Variants in CDH11 observed in about 807,000 individuals in gnomAD.
CDH11 encodes the protein cadherin-11.
Under a neutral mutation model 67.8 loss-of-function variants are expected in CDH11, and 11 were observed. That is an observed-to-expected ratio of 0.16 (90% CI 0.10 to 0.27). The LOEUF (loss-of-function observed/expected upper bound fraction) is 0.27. CDH11 is among the 10% of genes least tolerant of loss of function. The pLI, the probability that CDH11 is intolerant of heterozygous loss-of-function variation, is 1.00. For missense variants in CDH11, 847 were observed against 1,031.2 expected (o/e 0.82, Z 2.45); for synonymous variants, 419 against 400.0 (o/e 1.05, Z -0.57).
intron 11 of CDH11, among the ~76,000 whole-genome samples, chr16:64,960,905 G>C (rs2071656194): frequency 6.6e-6 from 1 of 152,112 alleles, no homozygotes; most frequent in African/African-American, 2.4e-5. Context: ...GATGGAGTCA[G>C]ACAGACCTGT....
chr16:64,983,711 T>G (rs936841761), intron 7 of CDH11, among the ~76,000 whole-genome samples: 8 of 152,180 alleles, frequency 5.3e-5, no homozygotes, highest in African/African-American at 1.7e-4. Context: ...TCCATCATCC[T>G]GGGACCCAGC....
intron 2 of CDH11, among the ~76,000 whole-genome samples, chr16:65,005,526 G>C (rs2073034421): frequency 6.6e-6 from 1 of 152,158 alleles, no homozygotes; most frequent in Non-Finnish European, 1.5e-5. Context: ...AGCACAGTGT[G>C]CTCCAAGATG....
intron 8 of CDH11, among the ~76,000 whole-genome samples, chr16:64,975,844 G>A (rs1441404045): frequency 6.6e-6 from 1 of 151,750 alleles, no homozygotes; most frequent in East Asian, 1.9e-4. Flanking sequence ...TGTACCCCCT[G>A]AATCAAAAAT....
chr16:65,019,581 A>T (rs947693161), intron 2 of CDH11, among the ~76,000 whole-genome samples: 4 of 152,126 alleles, frequency 2.6e-5, no homozygotes, highest in Admixed American at 2.6e-4. Context: ...ACATTTATTC[A>T]AGTTTAATTC....
chr16:65,062,930 G>C (rs948503459), intron 1 of CDH11, among the ~76,000 whole-genome samples: 1 of 152,232 alleles, frequency 6.6e-6, no homozygotes, highest in Non-Finnish European at 1.5e-5. Flanking sequence ...GCCAGGGAGA[G>C]AGTCTAGCGG....
intron 1 of CDH11, among the ~76,000 whole-genome samples, chr16:65,069,921 C>A (rs765707567): frequency 4.6e-5 from 7 of 152,108 alleles, no homozygotes; most frequent in Non-Finnish European, 7.4e-5. Flanking sequence ...TAGAACCTTG[C>A]CCCTCATGAG....
At chr16:65,085,687 C>T (rs1157745647) in intron 1 of CDH11, among the ~76,000 whole-genome samples, 1 of 152,164 alleles carries the variant, frequency 6.6e-6, no homozygotes, top group Non-Finnish European at 1.5e-5. Context: ...TACTTTTAGA[C>T]ACTATAATTA....
chr16:65,014,071 T>C (rs2073242036), intron 2 of CDH11, among the ~76,000 whole-genome samples: 1 of 152,174 alleles, frequency 6.6e-6, no homozygotes, highest in African/African-American at 2.4e-5. Context: ...TCAACAAGAA[T>C]GCGTAAATAC....
chr16:65,121,984 C>G lies in CDH11; in HGVS notation c.-402G>C, dbSNP rs1190870885. The G allele has an allele frequency of 1.4e-6, 1 of 700,988 alleles. No individual in the cohort carries two copies. Among genetic ancestry groups the G allele is most frequent in the Non-Finnish European group, 2.6e-6 (1 of 384,198 alleles). 43.4% of individuals were successfully genotyped at this position (700,988 alleles called of 1,614,324 possible). A position where few individuals can be genotyped will look rare whatever the true frequency, so the allele number is the denominator to read the frequency against. ...CCCAGTCCCGGTCCCATTCACAAGT[C>G]AGCGGCGGCTGCGAGCGGCCCCCGC... On this transcript the variant is annotated 5_prime_UTR_variant, in exon 1 of 13. Transcript: ENST00000268603. This position sits in a 1 kb window ranked among gnomAD's most constrained non-coding sequence, Gnocchi z 4.1.
intron 1 of CDH11, among the ~76,000 whole-genome samples, chr16:65,065,855 C>T (rs540118972): frequency 1.3e-4 from 20 of 152,340 alleles, no homozygotes; most frequent in African/African-American, 4.6e-4. Context: ...TTGGTCTCCT[C>T]TACTTTTAAC....
chr16:64,950,929 C>T lies in CDH11; in HGVS notation c.1732G>A (p.Gly578Ser). Residue 578 changes from glycine (G) to serine (S), a missense_variant, in exon 12 of 13, where the codon GGC (glycine) becomes AGC (serine). By Grantham distance (56) the Gly-to-Ser change is moderately conservative. Around this residue, in one of 2 missense-constraint regions of CDH11, gnomAD observed 612 missense variants for 678.7 expected, o/e 0.90. Transcript: ENST00000268603. ...TTGGTGCTACTCATGGGCGGGATGC[C>T]GCCATCGCTGATCACTATGGGCAGA... ...YLLPIVISDG[G>S]IPPMSSTNTL... is the part of the protein sequence containing the mutation. The T allele has an allele frequency of 1.2e-6, 2 of 1,614,190 alleles. No individual in the cohort carries two copies. The highest frequency in any genetic ancestry group is 1.7e-6 in the Non-Finnish European group (2 of 1,180,022).
Position 64,946,608 on chromosome 16 carries a change from T to C in CDH11, c.*995A>G. ...CTTTACATGATGTTACAGAATCTTG[T>C]CTGAAAAAACATTTGTAAAACATAT... On this transcript the variant is annotated 3_prime_UTR_variant, in exon 13 of 13. Coordinates refer to ENST00000268603, the MANE Select transcript of CDH11 (RefSeq NM_001797.4). 9.7e-7 allele frequency: 1 copy of C among 1,031,258 alleles called. No homozygotes were observed. The highest frequency in any genetic ancestry group is 4.6e-4 in the Middle Eastern group (1 of 2,188). 63.9% of individuals were successfully genotyped at this position (1,031,258 alleles called of 1,614,324 possible).
intron 2 of CDH11, among the ~76,000 whole-genome samples, chr16:65,012,034 A>G (rs918841193): frequency 1.3e-5 from 2 of 152,220 alleles, no homozygotes; most frequent in Non-Finnish European, 2.9e-5. Context: ...ACAGGCATCA[A>G]TATACCTCCA....
intron 6 of CDH11, 197 bp downstream of exon 6, chr16:64,991,571 C>T: frequency 1.9e-6 from 1 of 512,930 alleles, no homozygotes. Context: ...TTTCATTCTC[C>T]TACTACCTCT....
chr16:65,071,325 C>A (rs1460204164), intron 1 of CDH11, among the ~76,000 whole-genome samples: 1 of 152,200 alleles, frequency 6.6e-6, no homozygotes, highest in Non-Finnish European at 1.5e-5. Flanking sequence ...GCACAACACA[C>A]ACGCACACAC....
intron 2 of CDH11, among the ~76,000 whole-genome samples, chr16:65,018,810 G>A (rs114965759): frequency 1.1e-3 from 164 of 152,222 alleles, no homozygotes; most frequent in African/African-American, 3.7e-3. Flanking sequence ...TATCAGAGAC[G>A]TGCATTTAAA....
chr16:64,947,820 A>G lies in CDH11; in HGVS notation c.2174T>C (p.Ile725Thr), dbSNP rs1268775825. The G allele has an allele frequency of 6.2e-7, 1 of 1,614,156 alleles. No individual in the cohort carries two copies. ...CGTGGGGTCATTGTCTGCCTCCTGT[A>G]TTCTCGTGTTGATGAAGTCATCGAC... ...VDVDDFINTR[I>T]QEADNDPTAP... The change falls in exon 13 of 13, where the codon ATA (isoleucine) becomes ACA (threonine). Residue 725 changes from isoleucine to threonine, a missense_variant. This residue lies in a region of CDH11 where 612 missense variants were observed against 678.7 expected (regional missense o/e 0.90). Coordinates refer to ENST00000268603, the MANE Select transcript of CDH11 (RefSeq NM_001797.4).
At chr16:64,948,766 G>C in intron 12 of CDH11, 1 of 1,600,422 alleles carries the variant, frequency 6.2e-7, no homozygotes, top group East Asian at 2.2e-5. Context: ...GGGAGAGGGG[G>C]GTTCCATTAA....
intron 6 of CDH11, among the ~76,000 whole-genome samples, chr16:64,988,885 T>C (rs1179091137): frequency 2.0e-5 from 3 of 152,174 alleles, no homozygotes; most frequent in African/African-American, 7.2e-5. Context: ...CTTCGCAACT[T>C]GCCTGCTTCA....
Sources: gnomAD v4.1 joint callset for allele counts (sites outside exome capture counted in the v4.1 genomes callset) on GRCh38, gnomAD v4.1.1 for gene constraint, gnomAD v4.1.1 regional missense constraint, Gnocchi (gnomAD v3.1) non-coding constraint, MANE v1.5 for transcripts, NCBI Gene and HGNC (gene_info 2026-07-23, HGNC 2026-07-21) for gene names.